The following DHX8 variants were observed in gnomAD, a reference collection of about 807,000 sequenced individuals.
DHX8 encodes the protein DEAH-box helicase 8.
Under a neutral mutation model 140.7 loss-of-function variants are expected in DHX8, and 67 were observed. The observed-to-expected ratio is 0.48, with a 90% CI of 0.39 to 0.58. The LOEUF is 0.58. Ranked by LOEUF, DHX8 falls within the 20% of genes least tolerant of loss-of-function variation. The pLI is 0.00. For synonymous variants in DHX8, 533 were observed against 553.2 expected (o/e 0.96, Z 0.51); for missense variants, 887 against 1,550.7 (o/e 0.57, Z 7.19).
intron 11 of DHX8, among the ~76,000 whole-genome samples, chr17:43,500,983 A>G (rs1346280582): frequency 6.6e-6 from 1 of 152,088 alleles, no homozygotes; most frequent in East Asian, 1.9e-4. Flanking sequence ...TGTGCAGTAA[A>G]TATTAGCTAC....
Position 43,513,494 on chromosome 17 carries a change from AT to A in DHX8, c.2638del (p.Ser880LeufsTer34), listed in dbSNP as rs1567693456. 5 of 1,613,798 alleles carry A rather than the reference AT, an allele frequency of 3.1e-6. No individual in the cohort carries two copies. The highest frequency in any genetic ancestry group is 4.2e-6 in the Non-Finnish European group (5 of 1,179,860). On this transcript the variant is annotated frameshift_variant, in exon 17 of 23. Transcript: ENST00000262415. LOFTEE classifies it high-confidence loss of function. ...TGIDQLVVTP[I>X]SQAQAKQRAG... ...GATTGACCAGCTCGTGGTGACGCCT[AT>A]TTCTCAGGTATGACGGCTTGTATCA...
Position 43,483,985 on chromosome 17 carries a change from G to A in DHX8, c.-53G>A. On this transcript the variant is annotated 5_prime_UTR_variant, in exon 1 of 23. Transcript: ENST00000262415. ...GGAAGTGAAAGCTGGAACCCGGCCG[G>A]AGTAGCTCTGAGCGCCGGCTGTGAG... 6.2e-7 allele frequency: 1 copy of A among 1,606,832 alleles called. No individual in the cohort carries two copies.
intron 8 of DHX8, 37 bp from the exon 9 acceptor site, chr17:43,496,144 A>C: frequency 6.6e-7 from 1 of 1,515,524 alleles, no homozygotes; most frequent in Non-Finnish European, 9.1e-7. Flanking sequence ...TTTTGATCTT[A>C]GCAGGTTACA....
intron 13 of DHX8, 44 bp downstream of exon 13, chr17:43,507,241 G>A: frequency 6.4e-7 from 1 of 1,550,720 alleles, no homozygotes; most frequent in Non-Finnish European, 8.7e-7. Flanking sequence ...AGAAGCAAAG[G>A]CCCAGGTCTC....
intron 10 of DHX8, 135 bp downstream of exon 10, chr17:43,499,094 A>G: frequency 1.6e-6 from 1 of 629,492 alleles, no homozygotes; most frequent in Non-Finnish European, 2.6e-6. Context: ...CAGGGTCTAT[A>G]ATAGTTTTAT....
In DHX8 at chr17:43,515,539, C is replaced by T. The variant is rs1334721408; in HGVS notation, c.2644-1628C>T. 2.0e-5 allele frequency among the ~76,000 whole-genome samples: 3 copies of T among 152,168 alleles called. No individual in the cohort carries two copies. In the South Asian group the frequency reaches 6.2e-4, roughly 31 times the overall value. The stretch of plus-strand genomic sequence containing the variant: ...TTAACGTCCTAGATACATGCATTGA[C>T]TTGGTGCATTCTCGCATTGATCCTA... On this transcript the variant is annotated intron_variant, in intron 17 of 22. Transcript: ENST00000262415.
At chr17:43,512,497 T>C (rs1969898467) in intron 16 of DHX8, among the ~76,000 whole-genome samples, 1 of 151,892 alleles carries the variant, frequency 6.6e-6, no homozygotes, top group Non-Finnish European at 1.5e-5. Context: ...AAGTCAGGCA[T>C]GACTGTCAGG....
chr17:43,534,007 A>G (rs760155769), intron 2 of DHX8: 1 of 1,505,712 alleles, frequency 6.6e-7, no homozygotes, highest in East Asian at 2.6e-5. Flanking sequence ...GAGGGGACAG[A>G]GCAAGGCCAG....
intron 21 of DHX8, 56 bp from the exon 22 acceptor site, chr17:43,521,991 T>G (rs1970393615): frequency 6.3e-7 from 1 of 1,579,680 alleles, no homozygotes; most frequent in African/African-American, 1.3e-5. Context: ...ACTGTCATTG[T>G]GAAAATAGAC....
intron 22 of DHX8, among the ~76,000 whole-genome samples, chr17:43,522,674 G>A (rs1483869101): frequency 6.6e-6 from 1 of 150,628 alleles, no homozygotes; most frequent in East Asian, 1.9e-4. Context: ...CTTGAACCCA[G>A]GAGGTGGAGG....
At chr17:43,516,050 AC>A (rs1361197720) in intron 17 of DHX8, among the ~76,000 whole-genome samples, 1 of 152,106 alleles carries the variant, frequency 6.6e-6, no homozygotes, top group Non-Finnish European at 1.5e-5. Context: ...AAAAAAATTT[AC>A]CCACCATCCT....
intron 11 of DHX8, 90 bp downstream of exon 11, chr17:43,500,193 AT>A: frequency 1.4e-6 from 2 of 1,455,358 alleles, no homozygotes; most frequent in Non-Finnish European, 1.9e-6. Flanking sequence ...CACACTAAAA[AT>A]TTACCCTTGG....
chr17:43,494,978 A>AT (rs60973227), intron 8 of DHX8, among the ~76,000 whole-genome samples: 33,228 of 150,524 alleles, frequency 0.22, 3,926 homozygotes, highest in East Asian at 0.32. Flanking sequence ...CGCCCGGCTA[A>AT]TTTTTTTGAA....
In DHX8 at chr17:43,520,733, C is replaced by A. The variant is rs1567698373; in HGVS notation, c.2938-18C>A. On this transcript the variant is annotated intron_variant, in intron 19 of 22. Coordinates refer to ENST00000262415, the MANE Select transcript of DHX8 (RefSeq NM_004941.3). ...TCTTCCACAGGGAAGCAGTTGTAGT[C>A]TTTTTTTGTCCCTCTAGATGGCAGA... 6.2e-7 allele frequency: 1 copy of A among 1,613,788 alleles called. No homozygotes were observed. Among genetic ancestry groups the A allele is most frequent in the East Asian group, 2.2e-5 (1 of 44,854 alleles).
chr17:43,503,227 G>C (rs917234325), intron 11 of DHX8, among the ~76,000 whole-genome samples: 1 of 152,096 alleles, frequency 6.6e-6, no homozygotes, highest in South Asian at 2.1e-4. Context: ...TCCAGGCATG[G>C]TGGCTCATGC....
chr17:43,507,254 A>G lies in DHX8; in HGVS notation c.1923+57A>G. ...CCAGAAGCAAAGGCCCAGGTCTCTT[A>G]ATCTATCAAATGGAAATATTAATAA... On this transcript the variant is annotated intron_variant, in intron 13 of 22. Coordinates refer to ENST00000262415, the MANE Select transcript of DHX8 (RefSeq NM_004941.3). 2.0e-6 allele frequency: 3 copies of G among 1,517,528 alleles called. No individual in the cohort carries two copies. The South Asian group carries it at 3.8e-5, about 19-fold the overall frequency. The allele number at this position is 1,517,528 out of a possible 1,614,324, so 94.0% of individuals were successfully genotyped here. A position where few individuals can be genotyped will look rare whatever the true frequency, so the allele number is the denominator to read the frequency against.
downstream of DHX8, chr17:43,526,259 T>A: frequency 1.5e-6 from 2 of 1,306,216 alleles, no homozygotes; most frequent in Non-Finnish European, 2.0e-6. Context: ...AGGATGTGGG[T>A]CTCATGCAGA....
At chr17:43,496,083 G>GCA (rs1968840630) in intron 8 of DHX8, 98 bp from the exon 9 acceptor site, 1 of 871,178 alleles carries the variant, frequency 1.1e-6, no homozygotes, top group African/African-American at 1.7e-5. Context: ...GGGTGACAGA[G>GCA]CAAGATCCTG....
In DHX8 at chr17:43,520,831, G is replaced by A. The variant is rs773722217; in HGVS notation, c.3018G>A (p.Leu1006=). 3.7e-6 allele frequency: 6 copies of A among 1,614,106 alleles called. No homozygotes were observed. The South Asian group carries it at 5.5e-5, about 15-fold the overall frequency. ...SVHLGCSEEM[L]TIVSMLSVQN... is the part of the protein sequence containing the mutation. ...ATCTGGGCTGCAGTGAGGAAATGCT[G>A]ACCATTGTATCCATGCTGTCTGTGC... The change falls in exon 20 of 23, where the codon CTG becomes CTA. Residue 1006 remains leucine, a synonymous_variant. Transcript: ENST00000262415.
Sources: allele counts gnomAD v4.1 joint callset (sites outside exome capture counted in the v4.1 genomes callset), GRCh38; gene constraint gnomAD v4.1.1; transcripts MANE v1.5; gene names NCBI Gene and HGNC (gene_info 2026-07-23, HGNC 2026-07-21).